Variants in CBFB observed in about 807,000 individuals in gnomAD.
CBFB encodes core-binding factor subunit beta, also known as CBF-beta.
In CBFB, 9 loss-of-function variants were observed where a neutral mutation model predicts 30.4. That is an observed-to-expected ratio of 0.30 (90% CI 0.18 to 0.52). The LOEUF is 0.52. Ranked by LOEUF, CBFB falls within the 20% of genes least tolerant of loss-of-function variation. CBFB has a pLI of 0.97. For missense variants in CBFB, 170 were observed against 244.0 expected, an observed-to-expected ratio of 0.70 and a Z score of 2.02; for synonymous variants, 94 against 84.0, an observed-to-expected ratio of 1.12 and a Z score of -0.65.
chr16:67,092,983 G>A (rs1358105751), intron 5 of CBFB, among the ~76,000 whole-genome samples: 1 of 152,116 alleles, frequency 6.6e-6, no homozygotes, highest in African/African-American at 2.4e-5. Context: ...AAAGTGTGGG[G>A]ATTACAGGCA....
intron 2 of CBFB, among the ~76,000 whole-genome samples, chr16:67,034,629 C>CAG (rs1435410216): frequency 6.6e-6 from 1 of 152,170 alleles, no homozygotes; most frequent in Non-Finnish European, 1.5e-5. Flanking sequence ...CAGGAAATCT[C>CAG]TTCTGAGGTT....
intron 2 of CBFB, among the ~76,000 whole-genome samples, chr16:67,030,787 A>G (rs900398925): frequency 6.6e-6 from 1 of 152,036 alleles, no homozygotes; most frequent in South Asian, 2.1e-4. Context: ...TTTAGTAGAG[A>G]CGGGGTTTCA....
chr16:67,029,218 TTGGGCTCGA>T lies in CBFB; in HGVS notation c.-189_-181del. On this transcript the variant is annotated 5_prime_UTR_variant, in exon 1 of 6. Transcript: ENST00000412916. ...GCGGCGGCGGCGGCGGCGGCGTGGG[TTGGGCTCGA>T]GCGGGCGGCGGCGCCTCAGACTCCC... The T allele has an allele frequency of 3.7e-6, 1 of 269,536 alleles. No individual in the cohort carries two copies. The highest frequency in any genetic ancestry group is 6.6e-6 in the Non-Finnish European group (1 of 152,212). 16.7% of individuals were successfully genotyped at this position (269,536 alleles called of 1,614,324 possible). A position where few individuals can be genotyped will look rare whatever the true frequency, so the allele number is the denominator to read the frequency against.
At chr16:67,066,608 ATAAG>A (rs1214732149) in intron 3 of CBFB, 70 bp from the exon 4 acceptor site, 4 of 770,218 alleles carry the variant, frequency 5.2e-6, no homozygotes, top group Non-Finnish European at 6.7e-6. Context: ...CAGAGTTTAT[ATAAG>A]TAAGTTTAAT....
chr16:67,073,294 T>G (rs1410075340), intron 4 of CBFB, among the ~76,000 whole-genome samples: 1 of 152,210 alleles, frequency 6.6e-6, no homozygotes, highest in Non-Finnish European at 1.5e-5. Flanking sequence ...CTTTGACAAG[T>G]TTGGTATAAG....
chr16:67,098,252 C>T (rs1222324751), intron 5 of CBFB, among the ~76,000 whole-genome samples: 3 of 152,174 alleles, frequency 2.0e-5, no homozygotes, highest in Non-Finnish European at 4.4e-5. Context: ...TCTCATGCCT[C>T]AGCCTCCCAA....
intron 4 of CBFB, among the ~76,000 whole-genome samples, chr16:67,080,977 CTTTTTT>C (rs1310131587): frequency 4.0e-5 from 6 of 151,834 alleles, no homozygotes; most frequent in Non-Finnish European, 8.8e-5. Context: ...GTACCTCTGA[CTTTTTT>C]TTATATATAT....
chr16:67,081,225 G>A lies in CBFB; in HGVS notation c.400-988G>A, dbSNP rs1268894003. On this transcript the variant is annotated intron_variant, in intron 4 of 5. Coordinates refer to ENST00000412916, the MANE Select transcript of CBFB (RefSeq NM_022845.3). ...TCCCACCTATGAGTGAGAATATGCA[G>A]TGTTTGGTTTTTTGTTCTTGGCGAT... 6.8e-5 allele frequency among the ~76,000 whole-genome samples: 10 copies of A among 146,960 alleles called. 1 individual carries two copies. Among genetic ancestry groups the A allele is most frequent in the African/African-American group, 2.5e-4 (10 of 39,562 alleles).
intron 3 of CBFB, among the ~76,000 whole-genome samples, chr16:67,055,850 A>G (rs1314273730): frequency 1.3e-5 from 2 of 152,212 alleles, no homozygotes; most frequent in Non-Finnish European, 2.9e-5. Context: ...CCATTTATGA[A>G]CAGGGAGGTG....
intron 4 of CBFB, among the ~76,000 whole-genome samples, chr16:67,073,137 A>G (rs1334527640): frequency 2.0e-5 from 3 of 152,230 alleles, no homozygotes; most frequent in Admixed American, 1.3e-4. Context: ...AAAATTGACA[A>G]AATACTCTAA....
intron 3 of CBFB, among the ~76,000 whole-genome samples, chr16:67,060,364 G>A (rs545765225): frequency 7.2e-5 from 11 of 151,960 alleles, no homozygotes; most frequent in South Asian, 2.1e-4. Flanking sequence ...TAGTACATTC[G>A]GAGTTCTGCA....
chr16:67,060,836 T>C (rs983821293), intron 3 of CBFB, among the ~76,000 whole-genome samples: 3 of 152,198 alleles, frequency 2.0e-5, no homozygotes, highest in African/African-American at 7.2e-5. Context: ...TTAACAGGCA[T>C]GAGCCACTGC....
In CBFB at chr16:67,100,462, G is replaced by A. The variant is rs2145793027; in HGVS notation, c.*1684G>A. On this transcript the variant is annotated 3_prime_UTR_variant, in exon 6 of 6. Coordinates refer to ENST00000412916, the MANE Select transcript of CBFB (RefSeq NM_022845.3). The stretch of plus-strand genomic sequence containing the variant: ...CGTCATTAAAGGCCATGCTGATCTT[G>A]CATAACTATAAGTACTATGAATGAA... 1 of 226,998 alleles carries A rather than the reference G, an allele frequency of 4.4e-6. No homozygotes were observed. The highest frequency in any genetic ancestry group is 2.2e-5 in the African/African-American group (1 of 45,122). 14.1% of individuals were successfully genotyped at this position (226,998 alleles called of 1,614,324 possible). A position where few individuals can be genotyped will look rare whatever the true frequency, so the allele number is the denominator to read the frequency against.
At chr16:67,037,567 G>A (rs1201053817) in intron 3 of CBFB, among the ~76,000 whole-genome samples, 1 of 151,764 alleles carries the variant, frequency 6.6e-6, no homozygotes, top group East Asian at 1.9e-4. Flanking sequence ...TTACAGTTTC[G>A]ATGTTAGAAG....
chr16:67,072,774 C>CTT lies in CBFB; in HGVS notation c.399+5988_399+5989dup, dbSNP rs764406221. Reference sequence around the variant, plus strand: ...AGCCACCATGCCCGGCCTCTTTTTTCTTTTTTTTTTTTTAGCGACAGAGTC... The same window carrying CTT: ...AGCCACCATGCCCGGCCTCTTTTTTCTTTTTTTTTTTTTTTAGCGACAGAGTC... On this transcript the variant is annotated intron_variant, in intron 4 of 5. Transcript: ENST00000412916. 2.8e-5 allele frequency among the ~76,000 whole-genome samples: 4 copies of CTT among 141,260 alleles called. No homozygotes were observed. The East Asian group carries it at 6.2e-4, about 22-fold the overall frequency. 92.7% of individuals were successfully genotyped at this position (141,260 alleles called of 152,430 possible).
intron 3 of CBFB, among the ~76,000 whole-genome samples, chr16:67,052,936 C>G (rs894688117): frequency 1.3e-5 from 2 of 150,370 alleles, no homozygotes; most frequent in African/African-American, 4.9e-5. Context: ...GAGCAAGATG[C>G]TATCTCAAAA....
chr16:67,064,309 C>T lies in CBFB; in HGVS notation c.283-2373C>T, dbSNP rs546224038. Among the ~76,000 whole-genome samples the T allele has an allele frequency of 3.3e-5, 5 of 152,130 alleles. No individual in the cohort carries two copies. The South Asian group carries it at 6.2e-4, about 19-fold the overall frequency. On this transcript the variant is annotated intron_variant, in intron 3 of 5. Coordinates refer to ENST00000412916, the MANE Select transcript of CBFB (RefSeq NM_022845.3). ...GCAACCTCTGCCTCCTGGGTTCAAG[C>T]GATTCTCCTGTCTCAGCCTCCCAAG...
intron 3 of CBFB, among the ~76,000 whole-genome samples, chr16:67,056,382 A>T (rs1466264755): frequency 1.3e-5 from 2 of 152,220 alleles, no homozygotes; most frequent in African/African-American, 4.8e-5. Context: ...AAACAAAATT[A>T]TGTATTGATC....
At chr16:67,064,956 G>C (rs1961012121) in intron 3 of CBFB, among the ~76,000 whole-genome samples, 1 of 152,034 alleles carries the variant, frequency 6.6e-6, no homozygotes, top group Non-Finnish European at 1.5e-5. Context: ...GGAGTGCAGT[G>C]GCACTATCTC....
Sources: gnomAD v4.1 joint callset for allele counts (sites outside exome capture counted in the v4.1 genomes callset) on GRCh38, gnomAD v4.1.1 for gene constraint, MANE v1.5 for transcripts, NCBI Gene and HGNC (gene_info 2026-07-23, HGNC 2026-07-21) for gene names.